The following PRDM2 variants were observed in gnomAD, a reference collection of about 807,000 sequenced individuals.
The protein encoded by PRDM2 is PR/SET domain 2.
In PRDM2, 30 loss-of-function variants were observed where a neutral mutation model predicts 130.0. The ratio of observed to expected loss-of-function variants is 0.23; its 90% confidence interval spans 0.17 to 0.31. The LOEUF (loss-of-function observed/expected upper bound fraction) is 0.31, where lower values mean the gene tolerates loss of function less well. Ranked by LOEUF, PRDM2 falls within the 10% of genes least tolerant of loss-of-function variation. The probability of loss-of-function intolerance (pLI) is 1.00; values close to 1 mark genes in which losing one functional copy is unlikely to be tolerated. For missense variants in PRDM2, 2,011 were observed against 2,108.4 expected (o/e 0.95, Z 0.90); for synonymous variants, 871 against 782.4 (o/e 1.11, Z -1.89).
Position 13,779,718 on chromosome 1 carries a change from T to C in PRDM2, c.1923T>C (p.Thr641=). The change falls in exon 8 of 10, where the codon ACT becomes ACC. Residue 641 remains threonine (T), a synonymous_variant. Coordinates refer to ENST00000311066, the MANE Select transcript of PRDM2 (RefSeq NM_001393986.1). This position sits in a 1 kb window ranked among gnomAD's most constrained non-coding sequence, Gnocchi z 4.9. ...ATAGTGAGGCCAAGAAGCGGAGAACTGCGAGCCCACCTGCACTGCCCAAAA... is the reference window on the plus strand; with the variant it reads ...ATAGTGAGGCCAAGAAGCGGAGAACCGCGAGCCCACCTGCACTGCCCAAAA... ...STNSEAKKRR[T]ASPPALPKIK... The C allele has an allele frequency of 6.2e-7, 1 of 1,614,076 alleles. No individual in the cohort carries two copies. The highest frequency in any genetic ancestry group is 8.5e-7 in the Non-Finnish European group (1 of 1,180,016).
chr1:13,732,082 G>GTGTGCCAGTTTC (rs201885303), intron 3 of PRDM2, among the ~76,000 whole-genome samples: 1 of 152,130 alleles, frequency 6.6e-6, no homozygotes, highest in Non-Finnish European at 1.5e-5. Flanking sequence ...AAGTGATGCT[G>GTGTGCCAGTTTC]TTGACTGCTG....
At chr1:13,731,589 C>T (rs1414409484) in intron 3 of PRDM2, among the ~76,000 whole-genome samples, 1 of 152,188 alleles carries the variant, frequency 6.6e-6, no homozygotes, top group African/African-American at 2.4e-5. Flanking sequence ...TGTGGACCCT[C>T]AGTAGATACT....
At chr1:13,727,602 C>T (rs1223690538) in intron 2 of PRDM2, among the ~76,000 whole-genome samples, 3 of 152,148 alleles carry the variant, frequency 2.0e-5, no homozygotes, top group Non-Finnish European at 4.4e-5. Flanking sequence ...CATGTGTCCC[C>T]TTTTTTGTGC....
At chr1:13,706,847 C>T (rs943363585) in intron 1 of PRDM2, among the ~76,000 whole-genome samples, 2 of 151,674 alleles carry the variant, frequency 1.3e-5, no homozygotes, top group Non-Finnish European at 2.9e-5. Flanking sequence ...GAATAGTGTA[C>T]ACACTTTGCA....
intron 1 of PRDM2, among the ~76,000 whole-genome samples, chr1:13,702,556 G>A (rs1642100985): frequency 6.6e-6 from 1 of 152,060 alleles, no homozygotes; most frequent in African/African-American, 2.4e-5. Context: ...CCTTTCTTCC[G>A]TTCTTGGCTG....
intron 4 of PRDM2, among the ~76,000 whole-genome samples, chr1:13,734,778 C>T (rs1329613349): frequency 1.3e-5 from 2 of 152,098 alleles, no homozygotes; most frequent in Non-Finnish European, 2.9e-5. Flanking sequence ...TCAAGTAGTT[C>T]TGACTACAAA....
In PRDM2 at chr1:13,823,621, C is replaced by T. The variant is rs2697966; in HGVS notation, c.*486C>T. 120,068 of 160,784 alleles carry T rather than the reference C, an allele frequency of 0.75. 45,003 individuals carry two copies. Among genetic ancestry groups the T allele is most frequent in the Middle Eastern group, 0.83 (273 of 328 alleles). The allele number at this position is 160,784 out of a possible 1,614,324, so 10.0% of individuals were successfully genotyped here. On this transcript the variant is annotated 3_prime_UTR_variant, in exon 10 of 10. Transcript: ENST00000311066. Reference sequence around the variant, plus strand: ...TTCAGTACCACCCCTCTCTCCCCACCTTCCCTCTCCCGGCAACATCTCTGG... The same window carrying T: ...TTCAGTACCACCCCTCTCTCCCCACTTTCCCTCTCCCGGCAACATCTCTGG...
At chr1:13,726,385 C>G (rs1044305683) in intron 2 of PRDM2, among the ~76,000 whole-genome samples, 1 of 152,154 alleles carries the variant, frequency 6.6e-6, no homozygotes, top group Non-Finnish European at 1.5e-5. Context: ...GGTCAAAACT[C>G]GTGAATCAAA....
At chr1:13,762,086 G>A (rs1644111216) in intron 6 of PRDM2, among the ~76,000 whole-genome samples, 1 of 152,212 alleles carries the variant, frequency 6.6e-6, no homozygotes, top group Admixed American at 6.5e-5. Flanking sequence ...AGCATCTGTG[G>A]ATACTCCTTA....
chr1:13,808,213 C>T (rs771382289), intron 8 of PRDM2, among the ~76,000 whole-genome samples: 4 of 152,110 alleles, frequency 2.6e-5, no homozygotes, highest in Admixed American at 2.6e-4. Context: ...GATGCTGGGC[C>T]GGGCGCGGTG....
intron 1 of PRDM2, among the ~76,000 whole-genome samples, chr1:13,714,289 A>G (rs1642467985): frequency 6.6e-6 from 1 of 151,804 alleles, no homozygotes; most frequent in Non-Finnish European, 1.5e-5. Context: ...GATGCTCAGT[A>G]TTAAAATGTA....
chr1:13,734,253 A>C (rs767908993), intron 4 of PRDM2, among the ~76,000 whole-genome samples: 1 of 152,234 alleles, frequency 6.6e-6, no homozygotes, highest in Non-Finnish European at 1.5e-5. Context: ...TAATGCCTGC[A>C]TGATTAAAAA....
At chr1:13,737,696 A>G (rs1643313126) in intron 4 of PRDM2, among the ~76,000 whole-genome samples, 1 of 152,236 alleles carries the variant, frequency 6.6e-6, no homozygotes, top group African/African-American at 2.4e-5. Flanking sequence ...TAGGACAGAC[A>G]AGGACATTGA....
At chr1:13,712,644 C>T (rs909590961) in intron 1 of PRDM2, among the ~76,000 whole-genome samples, 1 of 152,070 alleles carries the variant, frequency 6.6e-6, no homozygotes, top group Non-Finnish European at 1.5e-5. Context: ...GTAGTACTAG[C>T]TACTCAGGAG....
intron 8 of PRDM2, among the ~76,000 whole-genome samples, chr1:13,800,931 A>C (rs190188345): frequency 1.9e-3 from 285 of 152,292 alleles, no homozygotes; most frequent in Non-Finnish European, 2.6e-3. Flanking sequence ...CCGTTTCATA[A>C]AGGAAACTGT....
At chr1:13,795,838 T>C (rs1372771044) in intron 8 of PRDM2, among the ~76,000 whole-genome samples, 1 of 152,204 alleles carries the variant, frequency 6.6e-6, no homozygotes, top group Non-Finnish European at 1.5e-5. Flanking sequence ...CTCCCCCTTC[T>C]ATTTTCACAG....
At chr1:13,751,877 C>T (rs963309481) in intron 6 of PRDM2, among the ~76,000 whole-genome samples, 3 of 152,076 alleles carry the variant, frequency 2.0e-5, no homozygotes, top group Middle Eastern at 3.2e-3. Flanking sequence ...GATCATAAGG[C>T]GTGTTTGGGT....
chr1:13,820,614 G>A (rs1645333367), intron 9 of PRDM2, among the ~76,000 whole-genome samples: 1 of 152,208 alleles, frequency 6.6e-6, no homozygotes, highest in Non-Finnish European at 1.5e-5. Flanking sequence ...AGCGGCCTCA[G>A]GGCCCTCTGT....
At chr1:13,731,313 AAC>A (rs1643099595) in intron 3 of PRDM2, among the ~76,000 whole-genome samples, 196 bp downstream of exon 3, 1 of 152,040 alleles carries the variant, frequency 6.6e-6, no homozygotes, top group South Asian at 2.1e-4. Flanking sequence ...TAAAACCAGG[AAC>A]ACACAAACAG....
Sources: gnomAD v4.1 joint callset for allele counts (sites outside exome capture counted in the v4.1 genomes callset) on GRCh38, gnomAD v4.1.1 for gene constraint, Gnocchi (gnomAD v3.1) non-coding constraint, MANE v1.5 for transcripts, NCBI Gene and HGNC (gene_info 2026-07-23, HGNC 2026-07-21) for gene names.